Variants in WAC observed in about 807,000 individuals in gnomAD.
WAC encodes WW domain containing adaptor with coiled-coil.
Under a neutral mutation model 79.6 loss-of-function variants are expected in WAC, and 11 were observed. The ratio of observed to expected loss-of-function variants is 0.14; its 90% CI spans 0.09 to 0.23. The LOEUF is 0.23. WAC is among the 10% of genes least tolerant of loss of function. WAC has a pLI of 1.00. For missense variants in WAC, 728 were observed against 773.5 expected, an observed-to-expected ratio of 0.94 and a Z score of 0.70; for synonymous variants, 304 against 276.9, an observed-to-expected ratio of 1.10 and a Z score of -0.97.
At chr10:28,594,052 A>G (rs1466488495) in intron 6 of WAC, among the ~76,000 whole-genome samples, 8 of 152,142 alleles carry the variant, frequency 5.3e-5, no homozygotes, top group Non-Finnish European at 4.4e-5. Context: ...CAAGCAAAGC[A>G]CCACCCTCTG....
chr10:28,536,182 G>A (rs975457211), intron 3 of WAC, among the ~76,000 whole-genome samples: 2 of 151,328 alleles, frequency 1.3e-5, no homozygotes, highest in African/African-American at 4.9e-5. Flanking sequence ...GGTTGGTGGA[G>A]GTTGCAGTCA....
intron 10 of WAC, among the ~76,000 whole-genome samples, chr10:28,612,332 C>G (rs1365101428): frequency 6.6e-6 from 1 of 152,180 alleles, no homozygotes; most frequent in Non-Finnish European, 1.5e-5. Flanking sequence ...GCTTTCACAT[C>G]GTGAGAATCA....
chr10:28,549,099 A>G (rs1837525421), intron 3 of WAC, among the ~76,000 whole-genome samples: 1 of 152,170 alleles, frequency 6.6e-6, no homozygotes, highest in Non-Finnish European at 1.5e-5. Flanking sequence ...GAGTTTTACC[A>G]TGTTACCCAG....
intron 12 of WAC, 145 bp downstream of exon 12, chr10:28,616,507 T>C: frequency 1.3e-6 from 1 of 782,664 alleles, no homozygotes; most frequent in Non-Finnish European, 1.9e-6. Context: ...TAAAAAATAT[T>C]TGATATATAA....
chr10:28,535,267 T>A, intron 2 of WAC: 1 of 226,858 alleles, frequency 4.4e-6, no homozygotes, highest in Non-Finnish European at 8.5e-6. Flanking sequence ...ATTCTAAATA[T>A]TCTCAGCCAA....
chr10:28,563,063 T>C (rs933544461), intron 3 of WAC, among the ~76,000 whole-genome samples: 1 of 152,176 alleles, frequency 6.6e-6, no homozygotes, highest in Non-Finnish European at 1.5e-5. Flanking sequence ...TCAGCATGAC[T>C]CTTTTATTCA....
chr10:28,616,409 C>A, intron 12 of WAC, 47 bp downstream of exon 12: 1 of 1,398,670 alleles, frequency 7.1e-7, no homozygotes. Context: ...ATTAGCAAAA[C>A]AGAATTTAAT....
chr10:28,583,353 G>C, intron 3 of WAC, 46 bp from the exon 4 acceptor site: 1 of 1,381,040 alleles, frequency 7.2e-7, no homozygotes, highest in Non-Finnish European at 9.9e-7. Flanking sequence ...GATTAAACAT[G>C]AAATACAGTT....
chr10:28,604,644 C>T (rs575673623), intron 7 of WAC, among the ~76,000 whole-genome samples: 2 of 152,210 alleles, frequency 1.3e-5, no homozygotes, highest in South Asian at 4.1e-4. Flanking sequence ...TCACTTGAAC[C>T]CGGAGGCAGA....
intron 6 of WAC, among the ~76,000 whole-genome samples, chr10:28,594,258 A>G (rs146763215): frequency 1.3e-5 from 2 of 152,306 alleles, no homozygotes; most frequent in African/African-American, 2.4e-5. Flanking sequence ...AGCGATATAG[A>G]ACTGAAAGGA....
intron 6 of WAC, among the ~76,000 whole-genome samples, chr10:28,595,106 ACT>A (rs1483637611): frequency 7.2e-5 from 11 of 152,034 alleles, no homozygotes; most frequent in Admixed American, 2.0e-4. Context: ...GATTTTATTA[ACT>A]CTCTGGTATT....
intron 7 of WAC, among the ~76,000 whole-genome samples, chr10:28,597,128 T>C (rs1166304309): frequency 6.6e-6 from 1 of 152,172 alleles, no homozygotes; most frequent in Non-Finnish European, 1.5e-5. Flanking sequence ...TTCAACCATA[T>C]ACTTTAGTAT....
At chr10:28,598,836 T>G (rs577784347) in intron 7 of WAC, among the ~76,000 whole-genome samples, 110 of 152,360 alleles carry the variant, frequency 7.2e-4, no homozygotes, top group African/African-American at 2.4e-3. Flanking sequence ...ATCACAAGCA[T>G]GTGCATAATT....
intron 3 of WAC, among the ~76,000 whole-genome samples, chr10:28,572,913 T>C (rs1839052336): frequency 6.6e-6 from 1 of 152,118 alleles, no homozygotes. Flanking sequence ...CATAAGTATC[T>C]CATTTTAGAC....
At chr10:28,607,350 T>C (rs950622439) in intron 7 of WAC, among the ~76,000 whole-genome samples, 1 of 152,186 alleles carries the variant, frequency 6.6e-6, no homozygotes, top group Non-Finnish European at 1.5e-5. Context: ...GTGTTCTTTT[T>C]CTTCAGGTTA....
chr10:28,534,131 C>G (rs1416124263), intron 2 of WAC, 97 bp downstream of exon 2: 1 of 1,229,048 alleles, frequency 8.1e-7, no homozygotes, highest in East Asian at 2.7e-5. Context: ...GATACAGGCC[C>G]TTCGGTGCAA....
At chr10:28,613,680 C>T (rs951467164) in intron 10 of WAC, among the ~76,000 whole-genome samples, 11 of 152,186 alleles carry the variant, frequency 7.2e-5, no homozygotes, top group African/African-American at 2.6e-4. Flanking sequence ...CAGGACATTC[C>T]AGATTTGTTA....
At position 28,557,993 on chromosome 10, in the gene WAC, G is replaced by A. The variant is rs113734857; in HGVS notation, c.274+22236G>A. On this transcript the variant is annotated intron_variant, in intron 3 of 13. Transcript: ENST00000354911. ...GGAGGCTGAGGCAAGAGAATTGCTT[G>A]AACCCAGGAGGCGGAAGTTGCAGTG... 3.0e-3 allele frequency among the ~76,000 whole-genome samples: 458 copies of A among 152,228 alleles called. 2 individuals are homozygous for A. The highest frequency in any genetic ancestry group is 0.011 in the African/African-American group (444 of 41,508).
intron 3 of WAC, among the ~76,000 whole-genome samples, chr10:28,562,561 G>A (rs564540433): frequency 6.6e-6 from 1 of 152,258 alleles, no homozygotes; most frequent in Non-Finnish European, 1.5e-5. Context: ...ATGATATGGT[G>A]ATTTAGTAAG....
Sources: gnomAD v4.1 joint callset for allele counts (sites outside exome capture counted in the v4.1 genomes callset) on GRCh38, gnomAD v4.1.1 for gene constraint, MANE v1.5 for transcripts, NCBI Gene and HGNC (gene_info 2026-07-23, HGNC 2026-07-21) for gene names.